Variants in AIG1 observed in about 807,000 individuals in gnomAD.
The protein encoded by AIG1 is androgen-induced gene 1 protein.
AIG1 carries 23 observed loss-of-function variants against 31.4 expected under a neutral mutation model. That is an observed-to-expected ratio of 0.73 (90% CI 0.53 to 1.04). The LOEUF (loss-of-function observed/expected upper bound fraction) is 1.04, where lower values mean the gene tolerates loss of function less well. Among genes scored for constraint, AIG1 ranks in the 50% least tolerant of loss-of-function variants. The pLI is 0.00. For missense variants in AIG1, 274 were observed against 295.0 expected (o/e 0.93, Z 0.52); for synonymous variants, 100 against 110.5 (o/e 0.90, Z 0.60).
At chr6:143,140,494 G>C (rs1470382454) in intron 2 of AIG1, among the ~76,000 whole-genome samples, 1 of 152,046 alleles carries the variant, frequency 6.6e-6, no homozygotes, top group Non-Finnish European at 1.5e-5. Context: ...TGCTCAAAAG[G>C]GTCTAGAATC....
chr6:143,202,888 C>T (rs1389801600), intron 3 of AIG1, among the ~76,000 whole-genome samples: 1 of 152,190 alleles, frequency 6.6e-6, no homozygotes, highest in Admixed American at 6.5e-5. Flanking sequence ...TCCCAAGAGG[C>T]TGCCCTGAGA....
intron 5 of AIG1, among the ~76,000 whole-genome samples, chr6:143,336,435 C>A (rs1354134988): frequency 6.6e-6 from 1 of 152,182 alleles, no homozygotes; most frequent in Non-Finnish European, 1.5e-5. Flanking sequence ...CCAGTGCCTT[C>A]TAACTGATGT....
intron 1 of AIG1, among the ~76,000 whole-genome samples, chr6:143,074,051 A>ATG (rs1390633490): frequency 6.6e-6 from 1 of 152,222 alleles, no homozygotes; most frequent in Non-Finnish European, 1.5e-5. Context: ...ATTTGGACAA[A>ATG]TGTCTATTCA....
chr6:143,189,179 G>A (rs1789555694), intron 3 of AIG1: 1 of 447,852 alleles, frequency 2.2e-6, no homozygotes, highest in African/African-American at 2.1e-5. Flanking sequence ...AAGTAGCTGG[G>A]ACCACAGATG....
intron 4 of AIG1, among the ~76,000 whole-genome samples, chr6:143,309,968 C>T (rs759254924): frequency 1.3e-5 from 2 of 151,848 alleles, no homozygotes; most frequent in South Asian, 2.1e-4. Flanking sequence ...TGTATATGCA[C>T]ATAACAACAG....
At chr6:143,192,910 G>C (rs949319330) in intron 3 of AIG1, among the ~76,000 whole-genome samples, 15 of 152,282 alleles carry the variant, frequency 9.9e-5, no homozygotes, top group Admixed American at 8.5e-4. Flanking sequence ...TTAAGTAACT[G>C]CTAGGGGCCA....
At chr6:143,343,051 T>C, downstream of AIG1, 1 of 790,448 alleles carries the variant, frequency 1.3e-6, no homozygotes, top group Non-Finnish European at 2.3e-6. Flanking sequence ...CACACGAAGA[T>C]ATGGACCATC....
Position 143,292,814 on chromosome 6 carries a change from A to C in AIG1, c.515+8589A>C, listed in dbSNP as rs2094764961. On this transcript the variant is annotated intron_variant, in intron 4 of 5. Transcript: ENST00000357847. This position sits in a 1 kb window ranked among gnomAD's most constrained non-coding sequence, Gnocchi z 4.9. Reference sequence around the variant, plus strand: ...GAAAAATGGGTATACAATGTCCAGCACCTAACTGGCACTCAGTTCCAGTGG... The same window carrying C: ...GAAAAATGGGTATACAATGTCCAGCCCCTAACTGGCACTCAGTTCCAGTGG... Among the ~76,000 whole-genome samples, 1 of 152,204 alleles carries C rather than the reference A, an allele frequency of 6.6e-6. No individual in the cohort carries two copies. The highest frequency in any genetic ancestry group is 2.1e-4 in the South Asian group (1 of 4,826).
intron 1 of AIG1, among the ~76,000 whole-genome samples, chr6:143,114,820 A>G (rs1781601375): frequency 6.6e-6 from 1 of 152,192 alleles, no homozygotes; most frequent in Non-Finnish European, 1.5e-5. Flanking sequence ...AGGTTATGTT[A>G]TATGTAATAT....
intron 3 of AIG1, among the ~76,000 whole-genome samples, chr6:143,208,452 G>GT (rs747138204): frequency 6.6e-6 from 1 of 152,172 alleles, no homozygotes; most frequent in African/African-American, 2.4e-5. Context: ...AAGAAGGAAA[G>GT]TGACACATAT....
chr6:143,118,061 A>G (rs1781890636), intron 1 of AIG1, among the ~76,000 whole-genome samples: 1 of 152,154 alleles, frequency 6.6e-6, no homozygotes, highest in Non-Finnish European at 1.5e-5. Flanking sequence ...TCGGCTTCTG[A>G]TTTTGTTACA....
intron 5 of AIG1, chr6:143,335,055 G>A (rs1196958356): frequency 7.0e-6 from 10 of 1,423,256 alleles, no homozygotes; most frequent in Non-Finnish European, 9.2e-6. Flanking sequence ...TTTTAGATAT[G>A]AAAATTAAGT....
At chr6:143,101,350 T>A (rs1164933002) in intron 1 of AIG1, among the ~76,000 whole-genome samples, 1 of 152,220 alleles carries the variant, frequency 6.6e-6, no homozygotes, top group Non-Finnish European at 1.5e-5. Flanking sequence ...TTGTGTAAAT[T>A]ACACTAATTA....
At chr6:143,121,326 C>A (rs533042392) in intron 1 of AIG1, among the ~76,000 whole-genome samples, 1 of 152,318 alleles carries the variant, frequency 6.6e-6, no homozygotes, top group East Asian at 1.9e-4. Context: ...TTTCTTCCAG[C>A]ATTTACCAGT....
At chr6:143,082,346 G>A (rs1235041876) in intron 1 of AIG1, among the ~76,000 whole-genome samples, 2 of 152,188 alleles carry the variant, frequency 1.3e-5, no homozygotes, top group South Asian at 4.1e-4. Flanking sequence ...ATCAGTCAAG[G>A]GAACCTCTAA....
chr6:143,207,148 A>C (rs1791173089), intron 3 of AIG1, among the ~76,000 whole-genome samples: 3 of 152,116 alleles, frequency 2.0e-5, no homozygotes, highest in African/African-American at 4.8e-5. Flanking sequence ...TTGTGAATGC[A>C]GTTCTTTTCC....
At chr6:143,102,097 T>A (rs987343291) in intron 1 of AIG1, among the ~76,000 whole-genome samples, 5 of 152,160 alleles carry the variant, frequency 3.3e-5, no homozygotes, top group Non-Finnish European at 7.4e-5. Flanking sequence ...TTTTTGCTGT[T>A]GTAGAATATG....
At chr6:143,315,155 A>G (rs565620310) in intron 4 of AIG1, among the ~76,000 whole-genome samples, 1 of 152,258 alleles carries the variant, frequency 6.6e-6, no homozygotes, top group African/African-American at 2.4e-5. Flanking sequence ...ATACTAAAGC[A>G]ATGCGAAAAT....
At chr6:143,105,256 A>G (rs1780697505) in intron 1 of AIG1, among the ~76,000 whole-genome samples, 2 of 152,130 alleles carry the variant, frequency 1.3e-5, no homozygotes, top group Non-Finnish European at 2.9e-5. Context: ...CCACGGCCAG[A>G]TACACTGAAA....
Sources: gnomAD v4.1 joint callset for allele counts (sites outside exome capture counted in the v4.1 genomes callset) on GRCh38, gnomAD v4.1.1 for gene constraint, Gnocchi (gnomAD v3.1) non-coding constraint, MANE v1.5 for transcripts, NCBI Gene and HGNC (gene_info 2026-07-23, HGNC 2026-07-21) for gene names.